The following SGCD variants were observed in gnomAD, a reference collection of about 807,000 sequenced individuals.
The protein encoded by SGCD is delta-sarcoglycan.
SGCD carries 18 observed loss-of-function variants against 36.6 expected under a neutral mutation model. The ratio of observed to expected loss-of-function variants is 0.49; its 90% confidence interval spans 0.34 to 0.73. The LOEUF (loss-of-function observed/expected upper bound fraction) is 0.73. Ranked by LOEUF, SGCD falls within the 30% of genes least tolerant of loss-of-function variation. The probability of loss-of-function intolerance (pLI) is 0.01; values close to 1 mark genes in which losing one functional copy is unlikely to be tolerated. For missense variants in SGCD, 387 were observed against 346.7 expected (o/e 1.12, Z -0.92); for synonymous variants, 133 against 130.6 (o/e 1.02, Z -0.12).
At chr5:155,976,361 C>A (rs1001749953) in intron 1 of SGCD, among the ~76,000 whole-genome samples, 1 of 152,024 alleles carries the variant, frequency 6.6e-6, no homozygotes, top group African/African-American at 2.4e-5. Flanking sequence ...AAAAGAGACA[C>A]AAAACAAAAA....
In SGCD at chr5:156,617,259, G is replaced by C. The variant is rs183857166; in HGVS notation, c.502+22208G>C. Among the ~76,000 whole-genome samples the C allele has an allele frequency of 3.3e-5, 5 of 152,316 alleles. No individual in the cohort carries two copies. In the South Asian group the frequency reaches 8.3e-4, roughly 25 times the overall value. On this transcript the variant is annotated intron_variant, in intron 6 of 8. Coordinates refer to ENST00000337851, the MANE Select transcript of SGCD (RefSeq NM_000337.6). ...CAGTGTAGTAAAAAGAAGCAGGGGAGAGCGTGCCCCTAAGTTGCAAGAATA... is the reference window on the plus strand; with the variant it reads ...CAGTGTAGTAAAAAGAAGCAGGGGACAGCGTGCCCCTAAGTTGCAAGAATA...
chr5:156,156,776 C>T (rs1016831613), intron 3 of SGCD, among the ~76,000 whole-genome samples: 18 of 151,304 alleles, frequency 1.2e-4, no homozygotes, highest in Admixed American at 3.9e-4. Flanking sequence ...TGGAAATCAC[C>T]GACTTCTACT....
At chr5:155,835,877 G>A in the SGCD span, among the ~76,000 whole-genome samples, 6,396 of 152,100 alleles carry the variant, frequency 0.042, 202 homozygotes, top group East Asian at 0.13. Flanking sequence ...ATCCTGTGCC[G>A]TTCCCTTCCA....
chr5:156,604,160 T>C (rs535761594), intron 6 of SGCD, among the ~76,000 whole-genome samples: 2 of 152,110 alleles, frequency 1.3e-5, no homozygotes, highest in African/African-American at 4.8e-5. Flanking sequence ...TTCTCCTTTC[T>C]TTTTACAGTT....
At chr5:156,017,346 T>C (rs138488956) in intron 1 of SGCD, among the ~76,000 whole-genome samples, 117 of 152,278 alleles carry the variant, frequency 7.7e-4, no homozygotes, top group Middle Eastern at 3.4e-3. Flanking sequence ...ATTATTTTTA[T>C]GTAGGCAAAT....
chr5:156,362,107 G>A (rs191930503), intron 3 of SGCD, among the ~76,000 whole-genome samples: 1 of 152,344 alleles, frequency 6.6e-6, no homozygotes, highest in Admixed American at 6.5e-5. Context: ...TTGCCATTCA[G>A]ACAGTCTCCA....
intron 7 of SGCD, among the ~76,000 whole-genome samples, chr5:156,746,494 A>T (rs1349358337): frequency 6.6e-6 from 1 of 152,244 alleles, no homozygotes; most frequent in East Asian, 1.9e-4. Context: ...GGATTAAAGA[A>T]TACAGAACTA....
chr5:155,917,034 C>A (rs1396008898), intron 1 of SGCD, among the ~76,000 whole-genome samples: 1 of 152,102 alleles, frequency 6.6e-6, no homozygotes, highest in Non-Finnish European at 1.5e-5. Flanking sequence ...ATCTGTAGAG[C>A]GTTTCCGAGT....
chr5:156,646,928 A>T (rs1477020678), intron 6 of SGCD, among the ~76,000 whole-genome samples: 1 of 152,182 alleles, frequency 6.6e-6, no homozygotes, highest in African/African-American at 2.4e-5. Flanking sequence ...ACTTCAAATG[A>T]TCTCTTATAG....
chr5:156,261,453 G>T (rs981092778), intron 3 of SGCD, among the ~76,000 whole-genome samples: 1 of 152,132 alleles, frequency 6.6e-6, no homozygotes, highest in African/African-American at 2.4e-5. Flanking sequence ...AATTTTTGTT[G>T]TCTAGTGACG....
At chr5:155,840,402 C>G in the SGCD span, among the ~76,000 whole-genome samples, 7 of 119,510 alleles carry the variant, frequency 5.9e-5, no homozygotes, top group African/African-American at 6.8e-5. Context: ...TGCCACCACG[C>G]CCAGCTAAAT....
At chr5:156,390,547 A>G (rs925746729) in intron 3 of SGCD, among the ~76,000 whole-genome samples, 2 of 152,192 alleles carry the variant, frequency 1.3e-5, no homozygotes, top group African/African-American at 2.4e-5. Flanking sequence ...CCTGACCAAC[A>G]TGGTGAAACC....
intron 3 of SGCD, chr5:156,393,936 C>T: frequency 7.4e-6 from 3 of 405,902 alleles, no homozygotes; most frequent in Non-Finnish European, 1.5e-5. Flanking sequence ...ATGGGTAAGA[C>T]CTGATTCTTT....
intron 3 of SGCD, among the ~76,000 whole-genome samples, chr5:156,289,159 T>C (rs1484918597): frequency 6.6e-6 from 1 of 152,104 alleles, no homozygotes; most frequent in South Asian, 2.1e-4. Flanking sequence ...CTGTGTGTAT[T>C]GATCCCCTCG....
intron 1 of SGCD, among the ~76,000 whole-genome samples, chr5:156,012,939 C>T (rs1758890582): frequency 6.7e-6 from 1 of 149,334 alleles, no homozygotes; most frequent in South Asian, 2.1e-4. Flanking sequence ...TTATAGCATT[C>T]CATTTATATA....
At chr5:155,861,431 G>C in the SGCD span, among the ~76,000 whole-genome samples, 1 of 152,130 alleles carries the variant, frequency 6.6e-6, no homozygotes, top group African/African-American at 2.4e-5. Context: ...GACTGGACAC[G>C]GTGGCTCACT....
the SGCD span, among the ~76,000 whole-genome samples, chr5:155,772,843 A>G: frequency 6.6e-6 from 1 of 152,056 alleles, no homozygotes; most frequent in African/African-American, 2.4e-5. Flanking sequence ...AAATGCAAAT[A>G]GAACCTTTTA....
Position 156,456,751 on chromosome 5 carries a change from A to G in SGCD, c.193-51850A>G, listed in dbSNP as rs148307266. Among the ~76,000 whole-genome samples, 1,206 of 152,290 alleles carry G rather than the reference A, an allele frequency of 7.9e-3. 14 individuals are homozygous for G. Among genetic ancestry groups the G allele is most frequent in the African/African-American group, 0.026 (1,092 of 41,564 alleles). ...TTTCTGACTTCTAGTCTCCACAACC[A>G]TAAGATTATAAATTTCCATTGTTTT... On this transcript the variant is annotated intron_variant, in intron 3 of 8. Coordinates refer to ENST00000337851, the MANE Select transcript of SGCD (RefSeq NM_000337.6).
intron 2 of SGCD, among the ~76,000 whole-genome samples, chr5:156,335,021 A>G (rs1339715709): frequency 1.3e-5 from 2 of 152,186 alleles, no homozygotes; most frequent in Admixed American, 1.3e-4. Context: ...GGGGTCTTTG[A>G]GAATACTCCT....
Sources: gnomAD v4.1 joint callset for allele counts (sites outside exome capture counted in the v4.1 genomes callset) on GRCh38, gnomAD v4.1.1 for gene constraint, MANE v1.5 for transcripts, NCBI Gene and HGNC (gene_info 2026-07-23, HGNC 2026-07-21) for gene names.